IKZF2: variants seen among roughly 807,000 people sequenced by gnomAD.
IKZF2 encodes the protein zinc finger protein Helios.
Under a neutral mutation model 49.2 loss-of-function variants are expected in IKZF2, and 15 were observed. The ratio of observed to expected loss-of-function variants is 0.30; its 90% CI spans 0.20 to 0.47. The LOEUF is 0.47. IKZF2 is among the 20% of genes least tolerant of loss of function. The probability of loss-of-function intolerance (pLI) is 1.00; values close to 1 mark genes in which losing one functional copy is unlikely to be tolerated. For missense variants in IKZF2, 567 were observed against 664.6 expected (o/e 0.85, Z 1.61); for synonymous variants, 227 against 221.4 (o/e 1.03, Z -0.23).
chr2:213,099,904 A>G (rs1706456069), intron 4 of IKZF2, among the ~76,000 whole-genome samples: 1 of 152,144 alleles, frequency 6.6e-6, no homozygotes, highest in Non-Finnish European at 1.5e-5. Flanking sequence ...ATTACTAGGT[A>G]TATGAGTAAA....
intron 4 of IKZF2, among the ~76,000 whole-genome samples, chr2:213,121,230 G>A (rs566370435): frequency 5.5e-4 from 83 of 152,114 alleles, no homozygotes; most frequent in Non-Finnish European, 3.5e-4. Context: ...TTCTGATTCC[G>A]TTTCTATTAT....
chr2:213,082,767 T>G (rs931460568), intron 4 of IKZF2, among the ~76,000 whole-genome samples: 1 of 152,190 alleles, frequency 6.6e-6, no homozygotes, highest in African/African-American at 2.4e-5. Flanking sequence ...TCCATACAGA[T>G]AGCAAAAAGA....
At chr2:213,021,943 T>A (rs1697272180) in intron 7 of IKZF2, 50 bp downstream of exon 7, 2 of 1,561,548 alleles carry the variant, frequency 1.3e-6, no homozygotes, top group South Asian at 2.5e-5. Flanking sequence ...CATGTTGAAC[T>A]ACAAAAGCAG....
At chr2:213,069,012 T>C (rs1702423225) in intron 4 of IKZF2, among the ~76,000 whole-genome samples, 1 of 151,814 alleles carries the variant, frequency 6.6e-6, no homozygotes, top group African/African-American at 2.4e-5. Context: ...ATAAAGTCCT[T>C]GACTCAAATA....
chr2:213,055,015 C>G (rs1017532494), intron 5 of IKZF2, among the ~76,000 whole-genome samples: 2 of 152,074 alleles, frequency 1.3e-5, no homozygotes, highest in Admixed American at 6.6e-5. Context: ...AAACTGTACT[C>G]TGGTTCTTTG....
chr2:213,140,247 T>C (rs918004627), intron 4 of IKZF2, among the ~76,000 whole-genome samples: 2 of 151,960 alleles, frequency 1.3e-5, no homozygotes, highest in Admixed American at 6.6e-5. Flanking sequence ...GTAATAAATA[T>C]TTCAGAATAA....
intron 4 of IKZF2, among the ~76,000 whole-genome samples, chr2:213,145,578 T>C (rs1390987493): frequency 6.6e-6 from 1 of 151,310 alleles, no homozygotes; most frequent in East Asian, 1.9e-4. Flanking sequence ...TAGACGAGAG[T>C]TCCTCTCTAT....
intron 4 of IKZF2, among the ~76,000 whole-genome samples, chr2:213,130,956 T>C (rs1289211381): frequency 1.3e-5 from 2 of 152,182 alleles, no homozygotes; most frequent in Non-Finnish European, 2.9e-5. Flanking sequence ...CTATTAAATA[T>C]ACTGCCTTAT....
chr2:213,150,085 C>T, intron 2 of IKZF2, 59 bp downstream of exon 2: 3 of 996,960 alleles, frequency 3.0e-6, no homozygotes, highest in South Asian at 1.4e-5. Context: ...TGGTTATTAA[C>T]CCTCAGAGAA....
intron 2 of IKZF2, 122 bp downstream of exon 2, chr2:213,150,022 A>G: frequency 2.4e-6 from 1 of 419,484 alleles, no homozygotes; most frequent in Non-Finnish European, 4.4e-6. Context: ...CACACATATT[A>G]AAAAGAAAGA....
intron 4 of IKZF2, among the ~76,000 whole-genome samples, chr2:213,074,402 T>G (rs1703034287): frequency 6.6e-6 from 1 of 152,194 alleles, no homozygotes; most frequent in African/African-American, 2.4e-5. Flanking sequence ...CGTAGGCAAT[T>G]GTAACCCAAT....
In IKZF2 at chr2:213,001,277, A is replaced by G. The variant is rs1694880024; in HGVS notation, c.*6083T>C. 1.3e-5 allele frequency: 2 copies of G among 151,982 alleles called. No individual in the cohort carries two copies. Among genetic ancestry groups the G allele is most frequent in the Admixed American group, 6.6e-5 (1 of 15,156 alleles). 9.4% of individuals were successfully genotyped at this position (151,982 alleles called of 1,614,324 possible). On this transcript the variant is annotated 3_prime_UTR_variant, in exon 9 of 9. Coordinates refer to ENST00000434687, the MANE Select transcript of IKZF2 (RefSeq NM_001387220.1). Reference sequence around the variant, plus strand: ...TGGAATATTATTATAGTAATGTTAAAGCATTTTTCTCCCAATTAGGAGAAA... The same window carrying G: ...TGGAATATTATTATAGTAATGTTAAGGCATTTTTCTCCCAATTAGGAGAAA...
intron 1 of IKZF2, among the ~76,000 whole-genome samples, chr2:213,150,698 G>A (rs1184313084): frequency 1.2e-5 from 1 of 83,366 alleles, no homozygotes; most frequent in African/African-American, 6.1e-5. Flanking sequence ...AAAACTGAAA[G>A]AAAAGGGGGG....
At chr2:213,124,804 G>A (rs970061071) in intron 4 of IKZF2, among the ~76,000 whole-genome samples, 6 of 152,172 alleles carry the variant, frequency 3.9e-5, no homozygotes. Context: ...GACAAACTCA[G>A]AGTTCTCTAC....
chr2:213,073,615 TA>T (rs1179493055), intron 4 of IKZF2, among the ~76,000 whole-genome samples: 3 of 152,148 alleles, frequency 2.0e-5, no homozygotes, highest in Non-Finnish European at 4.4e-5. Flanking sequence ...TTCCAAAATG[TA>T]AAGCATATAT....
chr2:213,026,484 G>C (rs1480003215), intron 6 of IKZF2, among the ~76,000 whole-genome samples: 3 of 152,126 alleles, frequency 2.0e-5, no homozygotes, highest in Non-Finnish European at 4.4e-5. Flanking sequence ...GAGTTTAGCA[G>C]GGTGCTTTGC....
At chr2:213,041,235 AC>A (rs1699609032) in intron 6 of IKZF2, among the ~76,000 whole-genome samples, 1 of 151,500 alleles carries the variant, frequency 6.6e-6, no homozygotes, top group South Asian at 2.1e-4. Flanking sequence ...ATAGACTAAT[AC>A]CTTTTATTTT....
chr2:213,011,828 G>C (rs1043060702), intron 8 of IKZF2, among the ~76,000 whole-genome samples: 3 of 152,032 alleles, frequency 2.0e-5, no homozygotes, highest in Non-Finnish European at 4.4e-5. Context: ...CATCTAGTGA[G>C]ATATAAGTAT....
chr2:213,087,723 T>C (rs184661069), intron 4 of IKZF2, among the ~76,000 whole-genome samples: 5 of 152,304 alleles, frequency 3.3e-5, no homozygotes, highest in Non-Finnish European at 7.4e-5. Flanking sequence ...CATTGTTCAG[T>C]TCCCACCTAT....
Sources: allele counts gnomAD v4.1 joint callset (sites outside exome capture counted in the v4.1 genomes callset), GRCh38; gene constraint gnomAD v4.1.1; transcripts MANE v1.5; gene names NCBI Gene and HGNC (gene_info 2026-07-23, HGNC 2026-07-21).